The following CCT2 variants were observed in gnomAD, a reference collection of about 807,000 sequenced individuals.
CCT2 encodes the protein chaperonin containing TCP1 subunit 2.
In CCT2, 18 loss-of-function variants were observed where a neutral mutation model predicts 61.8. The observed-to-expected ratio is 0.29, with a 90% confidence interval of 0.20 to 0.43. The LOEUF is 0.43. Among genes scored for constraint, CCT2 ranks in the 20% least tolerant of loss-of-function variants. The probability of loss-of-function intolerance (pLI) is 1.00; values close to 1 mark genes in which losing one functional copy is unlikely to be tolerated. For missense variants in CCT2, 556 were observed against 656.9 expected (o/e 0.85, Z 1.68); for synonymous variants, 248 against 215.9 (o/e 1.15, Z -1.30).
intron 7 of CCT2, 124 bp downstream of exon 7, chr12:69,589,811 A>G (rs1036150497): frequency 2.2e-5 from 16 of 730,380 alleles, no homozygotes; most frequent in African/African-American, 2.0e-4. Context: ...AGGACATATC[A>G]TATGTGCAAC....
chr12:69,585,759 A>G (rs369443707), intron 1 of CCT2: 16 of 1,425,222 alleles, frequency 1.1e-5, no homozygotes, highest in African/African-American at 8.6e-5. Context: ...AGGTCTTTGC[A>G]TAGTCCCGGC....
At chr12:69,586,138 C>T in intron 1 of CCT2, 132 bp from the exon 2 acceptor site, 1 of 1,123,654 alleles carries the variant, frequency 8.9e-7, no homozygotes, top group Non-Finnish European at 1.3e-6. Flanking sequence ...ATGGAAGCTT[C>T]ATTTGATTGA....
At chr12:69,600,726 T>C (rs1363433714) in intron 15 of CCT2, among the ~76,000 whole-genome samples, 1 of 152,196 alleles carries the variant, frequency 6.6e-6, no homozygotes, top group African/African-American at 2.4e-5. Flanking sequence ...GCTGTACTCT[T>C]TGATCTGTTC....
At position 69,589,495 on chromosome 12, in the gene CCT2, G is replaced by T. The variant is rs1173420056; in HGVS notation, c.457G>T (p.Val153Phe). 3 of 1,613,758 alleles carry T rather than the reference G, an allele frequency of 1.9e-6. No homozygotes were observed. The highest frequency in any genetic ancestry group is 2.5e-6 in the Non-Finnish European group (3 of 1,179,788). ...SSAVDHGSDE[V>F]KFRQDLMNIA... is the part of the protein sequence containing the mutation. ...GTTGGTTTTATTTAGTTCCGATGAA[G>T]TTAAATTCCGTCAAGATTTAATGAA... Residue 153 changes from valine (V) to phenylalanine (F), a missense_variant, in exon 7 of 16, where the codon GTT (valine) becomes TTT (phenylalanine). Around this residue, in one of 3 missense-constraint regions of CCT2, gnomAD observed 308 missense variants for 350.6 expected, o/e 0.88. Transcript: ENST00000299300.
At chr12:69,587,797 A>G (rs1881709660) in intron 4 of CCT2, 133 bp from the exon 5 acceptor site, 1 of 793,664 alleles carries the variant, frequency 1.3e-6, no homozygotes, top group South Asian at 1.7e-5. Context: ...AAACTGTTGC[A>G]TTTCAGACCT....
intron 10 of CCT2, among the ~76,000 whole-genome samples, chr12:69,595,134 A>G (rs1324486571): frequency 1.3e-5 from 2 of 152,170 alleles, no homozygotes; most frequent in East Asian, 3.9e-4. Context: ...TGCCATGAAT[A>G]TTAGAAGAAA....
At chr12:69,591,930 A>G (rs1236855595) in intron 7 of CCT2, 129 bp from the exon 8 acceptor site, 2 of 563,498 alleles carry the variant, frequency 3.5e-6, no homozygotes, top group African/African-American at 3.8e-5. Flanking sequence ...ATGCCTTCTA[A>G]GAGCTTGGTA....
Position 69,588,014 on chromosome 12 carries a change from C to G in CCT2, c.333+8C>G. ...GCAGCAGAATTATTAAGGGTAAGAGCAACTAAGCAACTCTTTTTTCCTACT... is the reference window on the plus strand; with the variant it reads ...GCAGCAGAATTATTAAGGGTAAGAGGAACTAAGCAACTCTTTTTTCCTACT... On this transcript the variant is annotated splice_region_variant and intron_variant, in intron 5 of 15. Coordinates refer to ENST00000299300, the MANE Select transcript of CCT2 (RefSeq NM_006431.3). 1 of 1,607,098 alleles carries G rather than the reference C, an allele frequency of 6.2e-7. No individual in the cohort carries two copies. The highest frequency in any genetic ancestry group is 8.5e-7 in the Non-Finnish European group (1 of 1,173,722).
At chr12:69,592,327 T>G in intron 8 of CCT2, 168 bp downstream of exon 8, 1 of 377,484 alleles carries the variant, frequency 2.6e-6, no homozygotes, top group East Asian at 4.4e-5. Context: ...AAAAAAAAAA[T>G]ACAAAATTAG....
At chr12:69,599,747 TA>T in intron 14 of CCT2, 115 bp from the exon 15 acceptor site, 1 of 785,984 alleles carries the variant, frequency 1.3e-6, no homozygotes, top group South Asian at 2.1e-5. Context: ...ACCTACTGAG[TA>T]AAGTAGTTGG....
intron 2 of CCT2, 85 bp downstream of exon 2, chr12:69,586,429 A>G: frequency 1.1e-6 from 1 of 935,238 alleles, no homozygotes; most frequent in Non-Finnish European, 1.7e-6. Flanking sequence ...GTACTTTGGG[A>G]GGCCGAGGTA....
chr12:69,597,913 AG>A (rs1413308660), intron 12 of CCT2, 54 bp from the exon 13 acceptor site: 1 of 1,473,318 alleles, frequency 6.8e-7, no homozygotes, highest in East Asian at 2.3e-5. Context: ...TCAGTAATTC[AG>A]TATCTTGGAG....
chr12:69,599,289 C>T (rs1882083008), intron 14 of CCT2, among the ~76,000 whole-genome samples: 1 of 152,140 alleles, frequency 6.6e-6, no homozygotes, highest in Admixed American at 6.5e-5. Context: ...GGGGCAGTCT[C>T]ACTATGTTGT....
intron 14 of CCT2, among the ~76,000 whole-genome samples, chr12:69,599,064 A>G (rs1423627960): frequency 6.6e-6 from 1 of 152,152 alleles, no homozygotes; most frequent in African/African-American, 2.4e-5. Flanking sequence ...ATGGGTGATC[A>G]GTAGTTGACA....
chr12:69,597,549 T>C, intron 11 of CCT2, 89 bp from the exon 12 acceptor site: 1 of 1,370,670 alleles, frequency 7.3e-7, no homozygotes, highest in Non-Finnish European at 1.0e-6. Context: ...AGGTCAGCTT[T>C]CAGAACCCAG....
chr12:69,594,531 T>G (rs1347147266), intron 10 of CCT2, among the ~76,000 whole-genome samples: 1 of 152,238 alleles, frequency 6.6e-6, no homozygotes, highest in Non-Finnish European at 1.5e-5. Flanking sequence ...AAATTGTGTT[T>G]ATAAATCAGA....
chr12:69,585,583 C>T lies in CCT2; in HGVS notation c.3+59C>T, dbSNP rs78079911. 2.2e-3 allele frequency: 3,443 copies of T among 1,557,078 alleles called. 9 individuals are homozygous for T. The highest frequency in any genetic ancestry group is 2.7e-3 in the Non-Finnish European group (3,122 of 1,149,298). ...CTGCTCCGCCGTGCTCTTGCCACCC[C>T]ACTGCTTCCTCTGTCCTGCTAGGGT... On this transcript the variant is annotated intron_variant, in intron 1 of 15. Transcript: ENST00000299300.
intron 3 of CCT2, chr12:69,587,189 C>T (rs1406096728): frequency 3.0e-6 from 1 of 334,338 alleles, no homozygotes. Context: ...AACACTGCCC[C>T]TTTAACTGTC....
intron 6 of CCT2, among the ~76,000 whole-genome samples, chr12:69,588,948 G>A (rs1423373322): frequency 3.3e-5 from 5 of 152,116 alleles, no homozygotes; most frequent in African/African-American, 7.2e-5. Flanking sequence ...ATTTTGAGAC[G>A]GAGTCTCGCT....
Sources: gnomAD v4.1 joint callset for allele counts (sites outside exome capture counted in the v4.1 genomes callset) on GRCh38, gnomAD v4.1.1 for gene constraint, gnomAD v4.1.1 regional missense constraint, MANE v1.5 for transcripts, NCBI Gene and HGNC (gene_info 2026-07-23, HGNC 2026-07-21) for gene names.